Variants in PCM1 observed in about 807,000 individuals in gnomAD.
The protein encoded by PCM1 is pericentriolar material 1 protein.
PCM1 carries 157 observed loss-of-function variants against 241.9 expected under a neutral mutation model. The observed-to-expected ratio is 0.65, with a 90% CI of 0.57 to 0.74. The LOEUF (loss-of-function observed/expected upper bound fraction) is 0.74, where lower values mean the gene tolerates loss of function less well. PCM1 is among the 30% of genes least tolerant of loss of function. The probability of loss-of-function intolerance (pLI) is 0.00; values close to 1 mark genes in which losing one functional copy is unlikely to be tolerated. For synonymous variants in PCM1, 1,085 were observed against 784.9 expected (o/e 1.38, Z -6.39); for missense variants, 3,478 against 2,360.1 (o/e 1.47, Z -9.81).
intron 23 of PCM1, 29 bp downstream of exon 23, chr8:17,972,716 T>G (rs2129472275): frequency 1.4e-6 from 2 of 1,379,658 alleles, no homozygotes; most frequent in East Asian, 5.0e-5. Flanking sequence ...TGAATGTTGA[T>G]CAGTGTAAAT....
intron 6 of PCM1, chr8:17,940,179 T>A: frequency 8.0e-7 from 1 of 1,246,778 alleles, no homozygotes; most frequent in Non-Finnish European, 1.1e-6. Flanking sequence ...TTTTGGTAAT[T>A]AAAGTGCTGG....
chr8:17,937,771 T>G (rs1310877037), intron 4 of PCM1, among the ~76,000 whole-genome samples: 1 of 152,176 alleles, frequency 6.6e-6, no homozygotes, highest in South Asian at 2.1e-4. Context: ...GAAACTATTT[T>G]CTGTTTATAA....
intron 6 of PCM1, among the ~76,000 whole-genome samples, chr8:17,943,144 C>A (rs982906597): frequency 1.3e-5 from 2 of 149,700 alleles, no homozygotes; most frequent in African/African-American, 4.9e-5. Context: ...TAGGACTACA[C>A]TTTCCCATTT....
chr8:17,943,795 A>AC (rs1231497143), intron 6 of PCM1, among the ~76,000 whole-genome samples: 1 of 151,702 alleles, frequency 6.6e-6, no homozygotes, highest in Non-Finnish European at 1.5e-5. Flanking sequence ...CATTCTTACC[A>AC]CCCCACCCCT....
chr8:17,953,057 G>C lies in PCM1; in HGVS notation c.1159G>C (p.Glu387Gln). The part of the protein sequence containing the change: ...VSQSRKPSAS[E>Q]RLPDEKVELF... The stretch of plus-strand genomic sequence containing the variant: ...CCAGAGCAGGAAACCATCAGCTTCA[G>C]AACGTTTACCTGATGAGAAAGTCGA... The change falls in exon 9 of 39, where the codon GAA becomes CAA. Residue 387 changes from glutamate (E) to glutamine (Q), a missense_variant. Glu to Gln is a conservative substitution (Grantham distance 29). Transcript: ENST00000325083. 1.2e-6 allele frequency: 2 copies of C among 1,606,944 alleles called. No individual in the cohort carries two copies. The highest frequency in any genetic ancestry group is 1.7e-6 in the Non-Finnish European group (2 of 1,176,270).
intron 23 of PCM1, among the ~76,000 whole-genome samples, chr8:17,974,008 A>G (rs115366234): frequency 1.6e-4 from 25 of 152,344 alleles, no homozygotes; most frequent in African/African-American, 5.8e-4. Context: ...CTATCCTTGA[A>G]GTCCTTGGCT....
intron 7 of PCM1, among the ~76,000 whole-genome samples, chr8:17,950,303 C>T (rs1444354305): frequency 6.6e-6 from 1 of 152,212 alleles, no homozygotes; most frequent in Non-Finnish European, 1.5e-5. Flanking sequence ...TTCCCTTTCA[C>T]TCCTCACTGA....
At position 18,011,161 on chromosome 8, in the gene PCM1, T is replaced by G. The variant is rs953233660; in HGVS notation, c.5221-76T>G. The stretch of plus-strand genomic sequence containing the variant: ...TTTTTTATTAGATAATGATCATTAT[T>G]AATACGATAGACTTACTATATACCT... On this transcript the variant is annotated intron_variant, in intron 32 of 38. Coordinates refer to ENST00000325083, the MANE Select transcript of PCM1 (RefSeq NM_006197.4). The G allele has an allele frequency of 4.3e-6, 4 of 937,726 alleles. No homozygotes were observed. In the African/African-American group the frequency reaches 6.8e-5, roughly 16 times the overall value. The allele number at this position is 937,726 out of a possible 1,614,324, so 58.1% of individuals were successfully genotyped here.
At chr8:17,961,780 A>G (rs1017288265) in intron 15 of PCM1, among the ~76,000 whole-genome samples, 2 of 152,174 alleles carry the variant, frequency 1.3e-5, no homozygotes, top group Non-Finnish European at 2.9e-5. Context: ...TGGGTTAAGT[A>G]TACAAAATTT....
intron 7 of PCM1, among the ~76,000 whole-genome samples, chr8:17,949,612 C>T (rs1275438360): frequency 6.6e-6 from 1 of 151,960 alleles, no homozygotes; most frequent in Admixed American, 6.6e-5. Context: ...ATTCTCTCAC[C>T]CCAGCCTCCT....
intron 6 of PCM1, 125 bp from the exon 7 acceptor site, chr8:17,947,061 A>G (rs562166848): frequency 8.8e-6 from 5 of 565,984 alleles, no homozygotes; most frequent in African/African-American, 1.9e-5. Flanking sequence ...GATGTCTACT[A>G]AAACTATATT....
rs2301546 is a variant in PCM1 at position 17,989,996 on chromosome 8, A to G, written c.4531+17A>G. On this transcript the variant is annotated intron_variant, in intron 27 of 38. Coordinates refer to ENST00000325083, the MANE Select transcript of PCM1 (RefSeq NM_006197.4). ...ATGATCTAGGTAAGCAGAATTGTTTATAATCTTAGAAACAACTTTAAGTTG... is the reference window on the plus strand; with the variant it reads ...ATGATCTAGGTAAGCAGAATTGTTTGTAATCTTAGAAACAACTTTAAGTTG... The G allele has an allele frequency of 0.13, 189,757 of 1,501,440 alleles. 14,278 individuals are homozygous for G. The highest frequency in any genetic ancestry group is 0.41 in the East Asian group (16,270 of 39,840). The allele number at this position is 1,501,440 out of a possible 1,614,324, so 93.0% of individuals were successfully genotyped here.
At position 18,006,408 on chromosome 8, in the gene PCM1, A is replaced by C; in HGVS notation, c.4962+11A>C. On this transcript the variant is annotated intron_variant, in intron 30 of 38. Transcript: ENST00000325083. ...GGAAGTATATTACAGGTAAGAGTTT[A>C]TACTTGTATGATTTACCAATATGTA... 1 of 1,589,336 alleles carries C rather than the reference A, an allele frequency of 6.3e-7. No homozygotes were observed. The highest frequency in any genetic ancestry group is 2.2e-5 in the East Asian group (1 of 44,732).
Position 18,014,644 on chromosome 8 carries a change from C to A in PCM1, c.5645C>A (p.Pro1882His). The A allele has an allele frequency of 6.2e-7, 1 of 1,613,474 alleles. No individual in the cohort carries two copies. Among genetic ancestry groups the A allele is most frequent in the Non-Finnish European group, 8.5e-7 (1 of 1,179,544 alleles). Residue 1882 changes from proline (P) to histidine (H), a missense_variant, in exon 36 of 39, where the codon CCT (proline) becomes CAT (histidine). Coordinates refer to ENST00000325083, the MANE Select transcript of PCM1 (RefSeq NM_006197.4). The stretch of plus-strand genomic sequence containing the variant: ...CTCAATATCTTGGAAGATGAGCAAC[C>A]TTTAAATAGTGCTGCCCATAAGGAG... ...CYLNILEDEQ[P>H]LNSAAHKESP...
rs369421006 is a variant in PCM1, at chr8:17,953,182, A to G, written c.1284A>G (p.Ser428=). ...TTCGAGATCAGCATCTTAACAATTC[A>G]TCATGTGAGTAAATCTGGTTCAGCA... ...HTLRDQHLNN[S]SSSPQRSVDQ... is the part of the protein sequence containing the mutation. Residue 428 remains serine, a synonymous_variant, in exon 9 of 39, where the codon TCA becomes TCG. Transcript: ENST00000325083. The G allele has an allele frequency of 1.0e-5, 16 of 1,530,348 alleles. No individual in the cohort carries two copies. The African/African-American group carries it at 1.9e-4, about 18-fold the overall frequency. 94.8% of individuals were successfully genotyped at this position (1,530,348 alleles called of 1,614,324 possible). A position where few individuals can be genotyped will look rare whatever the true frequency, so the allele number is the denominator to read the frequency against.
chr8:17,991,451 T>C (rs1181283994), intron 27 of PCM1, 91 bp from the exon 28 acceptor site: 3 of 1,107,204 alleles, frequency 2.7e-6, no homozygotes, highest in African/African-American at 3.2e-5. Context: ...TCCTCCCTTT[T>C]GTTTGGACAT....
rs1286599447 is a variant in PCM1 at position 17,953,138 on chromosome 8, C to G, written c.1240C>G (p.Leu414Val). ...AAAGAAACAAAAAATGGACAAATTG[C>G]TTGGAGAACTTCATACACTTCGAGA... is the stretch of plus-strand genomic sequence containing the variant. ...QEKKQKMDKL[L>V]GELHTLRDQH... Residue 414 changes from leucine to valine, a missense_variant, in exon 9 of 39, where the codon CTT becomes GTT. Coordinates refer to ENST00000325083, the MANE Select transcript of PCM1 (RefSeq NM_006197.4). The G allele has an allele frequency of 1.9e-6, 3 of 1,588,868 alleles. No individual in the cohort carries two copies. Among genetic ancestry groups the G allele is most frequent in the Admixed American group, 1.8e-5 (1 of 56,236 alleles).
In PCM1 at chr8:18,029,005, G is replaced by C. The variant is rs146348644; in HGVS notation, c.*1343G>C. The C allele has an allele frequency of 5.1e-5, 9 of 177,046 alleles. No homozygotes were observed. The highest frequency in any genetic ancestry group is 1.1e-4 in the Non-Finnish European group (9 of 82,328). The allele number at this position is 177,046 out of a possible 1,614,324, so 11.0% of individuals were successfully genotyped here. On this transcript the variant is annotated 3_prime_UTR_variant, in exon 39 of 39. Coordinates refer to ENST00000325083, the MANE Select transcript of PCM1 (RefSeq NM_006197.4). ...GTCTCTACTAAAAATAAAAAAATTA[G>C]CTGGGAGAGGTGGCACGTGCCTGTA...
chr8:18,018,897 C>CACATAT (rs1564428851), intron 36 of PCM1, among the ~76,000 whole-genome samples: 2 of 64,028 alleles, frequency 3.1e-5, no homozygotes, highest in Non-Finnish European at 7.5e-5. Flanking sequence ...CATATACATA[C>CACATAT]ACATATATAT....
Sources: allele counts gnomAD v4.1 joint callset (sites outside exome capture counted in the v4.1 genomes callset), GRCh38; gene constraint gnomAD v4.1.1; transcripts MANE v1.5; gene names NCBI Gene and HGNC (gene_info 2026-07-23, HGNC 2026-07-21).